Variants in FUT9 observed in about 807,000 individuals in gnomAD.
FUT9 encodes 4-galactosyl-N-acetylglucosaminide 3-alpha-L-fucosyltransferase 9.
In FUT9, 15 loss-of-function variants were observed where a neutral mutation model predicts 29.7. That is an observed-to-expected ratio of 0.51 (90% CI 0.34 to 0.78). The LOEUF (loss-of-function observed/expected upper bound fraction) is 0.78, where lower values mean the gene tolerates loss of function less well. FUT9 is among the 30% of genes least tolerant of loss of function. The probability of loss-of-function intolerance (pLI) is 0.01; values close to 1 mark genes in which losing one functional copy is unlikely to be tolerated. For synonymous variants in FUT9, 169 were observed against 153.7 expected (o/e 1.10, Z -0.74); for missense variants, 319 against 425.4 (o/e 0.75, Z 2.20).
At chr6:96,160,789 T>A (rs1450860076) in intron 2 of FUT9, among the ~76,000 whole-genome samples, 1 of 152,194 alleles carries the variant, frequency 6.6e-6, no homozygotes, top group Non-Finnish European at 1.5e-5. Flanking sequence ...AAATATAATC[T>A]TTTTACAAAG....
chr6:96,027,192 A>T (rs2127924523), intron 1 of FUT9, among the ~76,000 whole-genome samples: 1 of 151,788 alleles, frequency 6.6e-6, no homozygotes, highest in South Asian at 2.1e-4. Context: ...AAGATTTTAT[A>T]TCGCTTTTAT....
At chr6:96,018,199 A>C (rs1770013498) in intron 1 of FUT9, among the ~76,000 whole-genome samples, 1 of 152,140 alleles carries the variant, frequency 6.6e-6, no homozygotes, top group African/African-American at 2.4e-5. Flanking sequence ...TTTGGGTAAC[A>C]TTAGGGTGAC....
chr6:96,093,560 A>T (rs1028113026), intron 1 of FUT9, among the ~76,000 whole-genome samples: 1 of 152,150 alleles, frequency 6.6e-6, no homozygotes, highest in African/African-American at 2.4e-5. Context: ...TGAAGAGTTA[A>T]TAAATTAAAT....
intron 1 of FUT9, among the ~76,000 whole-genome samples, chr6:96,079,989 T>C (rs1266096824): frequency 6.6e-6 from 1 of 152,080 alleles, no homozygotes; most frequent in African/African-American, 2.4e-5. Flanking sequence ...CAACAATGTA[T>C]CTGACAATAT....
chr6:96,029,221 A>G lies in FUT9; in HGVS notation c.-98+13009A>G, dbSNP rs149741476. On this transcript the variant is annotated intron_variant, in intron 1 of 2. Coordinates refer to ENST00000302103, the MANE Select transcript of FUT9 (RefSeq NM_006581.4). ...AAATTATCTAACAAGAAATTCTGTA[A>G]AAAGCTAAAATCATTACAAATTGCC... Among the ~76,000 whole-genome samples the G allele has an allele frequency of 4.6e-5, 7 of 151,612 alleles. No homozygotes were observed. In the East Asian group the frequency reaches 1.4e-3, roughly 29 times the overall value.
intron 2 of FUT9, among the ~76,000 whole-genome samples, chr6:96,178,040 C>A (rs551588578): frequency 6.6e-6 from 1 of 152,228 alleles, no homozygotes; most frequent in East Asian, 1.9e-4. Context: ...CACTTAAGAA[C>A]AAATTCTGGG....
At chr6:96,054,868 C>T (rs943602848) in intron 1 of FUT9, among the ~76,000 whole-genome samples, 5 of 152,106 alleles carry the variant, frequency 3.3e-5, no homozygotes, top group African/African-American at 1.2e-4. Flanking sequence ...TATAAGAGTG[C>T]CTGACACATA....
At chr6:96,153,459 T>C (rs1772720166) in intron 2 of FUT9, among the ~76,000 whole-genome samples, 2 of 152,184 alleles carry the variant, frequency 1.3e-5, no homozygotes, top group Non-Finnish European at 1.5e-5. Context: ...TTCTCTTGAG[T>C]AGACAATGTG....
intron 1 of FUT9, among the ~76,000 whole-genome samples, chr6:96,090,162 A>C (rs1771386726): frequency 6.6e-6 from 1 of 152,150 alleles, no homozygotes; most frequent in Non-Finnish European, 1.5e-5. Context: ...GTGTATATGA[A>C]AGATACATAC....
chr6:96,033,969 C>A (rs1770308027), intron 1 of FUT9, among the ~76,000 whole-genome samples: 2 of 151,074 alleles, frequency 1.3e-5, no homozygotes, highest in Admixed American at 6.6e-5. Context: ...AAGAAAAAAA[C>A]CCTCCAAAAT....
intron 2 of FUT9, among the ~76,000 whole-genome samples, chr6:96,166,556 C>T (rs904478591): frequency 3.9e-5 from 6 of 152,024 alleles, no homozygotes; most frequent in East Asian, 1.9e-4. Flanking sequence ...AGAAAGTAAG[C>T]GCCATTAATT....
intron 1 of FUT9, among the ~76,000 whole-genome samples, chr6:96,085,102 A>G (rs1266694050): frequency 6.6e-6 from 1 of 152,204 alleles, no homozygotes; most frequent in African/African-American, 2.4e-5. Flanking sequence ...TTTTAAAAAT[A>G]CAGTACAGCA....
intron 2 of FUT9, among the ~76,000 whole-genome samples, chr6:96,150,048 G>A (rs557867759): frequency 1.3e-5 from 2 of 151,916 alleles, no homozygotes; most frequent in East Asian, 3.9e-4. Flanking sequence ...TCTATAATTT[G>A]TAATAATTAT....
intron 1 of FUT9, among the ~76,000 whole-genome samples, chr6:96,068,450 TATA>T (rs1176547321): frequency 1.3e-5 from 2 of 152,226 alleles, no homozygotes; most frequent in Admixed American, 1.3e-4. Flanking sequence ...TGTCAAATTC[TATA>T]ATAATAGTAT....
At chr6:96,024,259 G>A (rs1770124199) in intron 1 of FUT9, among the ~76,000 whole-genome samples, 1 of 151,776 alleles carries the variant, frequency 6.6e-6, no homozygotes. Flanking sequence ...TTGGATAGGT[G>A]CATATGTCAT....
intron 1 of FUT9, among the ~76,000 whole-genome samples, chr6:96,060,988 C>G: frequency 1.3e-5 from 2 of 151,950 alleles, no homozygotes; most frequent in Non-Finnish European, 2.9e-5. Context: ...TTTGACAAAG[C>G]AAATATTATA....
chr6:96,041,990 A>G (rs1320994324), intron 1 of FUT9, among the ~76,000 whole-genome samples: 1 of 152,192 alleles, frequency 6.6e-6, no homozygotes, highest in Non-Finnish European at 1.5e-5. Flanking sequence ...GAACTTTATC[A>G]TCAAATTGTA....
At chr6:96,106,138 C>CT (rs1452197867) in intron 1 of FUT9, among the ~76,000 whole-genome samples, 8 of 152,182 alleles carry the variant, frequency 5.3e-5, no homozygotes, top group Admixed American at 5.2e-4. Context: ...GGGAGCCTGA[C>CT]TGAAGATAGC....
intron 1 of FUT9, among the ~76,000 whole-genome samples, chr6:96,085,072 TA>T (rs1389377826): frequency 6.6e-6 from 1 of 152,142 alleles, no homozygotes; most frequent in East Asian, 1.9e-4. Flanking sequence ...CATATTCGCA[TA>T]AGGCTTTTAT....
Sources: gnomAD v4.1 joint callset for allele counts (sites outside exome capture counted in the v4.1 genomes callset) on GRCh38, gnomAD v4.1.1 for gene constraint, MANE v1.5 for transcripts, NCBI Gene and HGNC (gene_info 2026-07-23, HGNC 2026-07-21) for gene names.